LCN2: variants seen among roughly 807,000 people sequenced by gnomAD.
LCN2 encodes the protein lipocalin 2.
Under a neutral mutation model 26.4 loss-of-function variants are expected in LCN2, and 27 were observed. That is an observed-to-expected ratio of 1.02 (90% CI 0.76 to 1.41). The LOEUF is 1.41. LCN2 is among the 40% of genes most tolerant of loss of function. The pLI, the probability that LCN2 is intolerant of heterozygous loss-of-function variation, is 0.00. For missense variants in LCN2, 224 were observed against 237.6 expected (o/e 0.94, Z 0.38); for synonymous variants, 94 against 98.9 (o/e 0.95, Z 0.30).
In LCN2 at chr9:128,152,228, G is replaced by C. The variant is rs769628755; in HGVS notation, c.521G>C (p.Arg174Pro). Residue 174 changes from arginine (R) to proline (P), a missense_variant, in exon 5 of 7, where the codon CGC becomes CCC. Coordinates refer to ENST00000277480, the MANE Select transcript of LCN2 (RefSeq NM_005564.5). ...TCGGAACTAAAGGAGAACTTCATCC[G>C]CTTCTCCAAATCTCTGGGCCTCCCT... is the stretch of plus-strand genomic sequence containing the variant. ...LTSELKENFI[R>P]FSKSLGLPEN... 1 of 1,613,984 alleles carries C rather than the reference G, an allele frequency of 6.2e-7. No individual in the cohort carries two copies. Among genetic ancestry groups the C allele is most frequent in the African/African-American group, 1.3e-5 (1 of 74,924 alleles).
intron 5 of LCN2, 34 bp downstream of exon 5, chr9:128,152,318 T>G (rs745667820): frequency 6.4e-7 from 1 of 1,573,880 alleles, no homozygotes; most frequent in Admixed American, 1.7e-5. Flanking sequence ...GACGGGGACA[T>G]GGGGACTGTT....
At chr9:128,152,059 C>T in intron 4 of LCN2, 34 bp downstream of exon 4, 1 of 1,613,680 alleles carries the variant, frequency 6.2e-7, no homozygotes, top group Non-Finnish European at 8.5e-7. Context: ...GGGACTGGCT[C>T]CTGATCACAC....
In LCN2 at chr9:128,149,627, C is replaced by T. The variant is rs1400403837; in HGVS notation, c.102C>T (p.Ser34=). The T allele has an allele frequency of 1.2e-6, 2 of 1,613,914 alleles. No homozygotes were observed. Among genetic ancestry groups the T allele is most frequent in the Non-Finnish European group, 1.7e-6 (2 of 1,179,982 alleles). Reference sequence around the variant, plus strand: ...ACCTGATCCCAGCCCCACCTCTGAGCAAGGTCCCTCTGCAGCAGAACTTCC... The same window carrying T: ...ACCTGATCCCAGCCCCACCTCTGAGTAAGGTCCCTCTGCAGCAGAACTTCC... The part of the protein sequence containing the change: ...TSDLIPAPPL[S]KVPLQQNFQD... The change falls in exon 1 of 7, where the codon AGC becomes AGT. Residue 34 remains serine, a synonymous_variant. Transcript: ENST00000277480.
chr9:128,151,321 GGTGGC>G (rs1045012325), intron 2 of LCN2: 16 of 565,056 alleles, frequency 2.8e-5, no homozygotes, highest in African/African-American at 2.5e-4. Flanking sequence ...CTGTGTGTTG[GGTGGC>G]GGGGGGGGTG....
intron 4 of LCN2, 54 bp from the exon 5 acceptor site, chr9:128,152,129 T>G: frequency 6.2e-7 from 1 of 1,609,606 alleles, no homozygotes; most frequent in Non-Finnish European, 8.5e-7. Flanking sequence ...ATCTACTCAT[T>G]CAACGATATT....
At position 128,153,260 on chromosome 9, in the gene LCN2, C is replaced by A; in HGVS notation, c.*8-51C>A. The stretch of plus-strand genomic sequence containing the variant: ...TGTCTTTATTCTGCTGTCCCCATCT[C>A]GGGTGCCTCCCATTTCCCCACCCAT... On this transcript the variant is annotated intron_variant, in intron 6 of 6. Transcript: ENST00000277480. The surrounding 1 kb of genome is among the most constrained non-coding windows in gnomAD (Gnocchi z 5.4). 2 of 1,087,260 alleles carry A rather than the reference C, an allele frequency of 1.8e-6. No homozygotes were observed. The highest frequency in any genetic ancestry group is 2.8e-6 in the Non-Finnish European group (2 of 718,890). 67.4% of individuals were successfully genotyped at this position (1,087,260 alleles called of 1,614,324 possible). A position where few individuals can be genotyped will look rare whatever the true frequency, so the allele number is the denominator to read the frequency against.
intron 2 of LCN2, 89 bp from the exon 3 acceptor site, chr9:128,151,549 C>A: frequency 9.6e-7 from 1 of 1,036,626 alleles, no homozygotes; most frequent in South Asian, 1.3e-5. Context: ...CAACAGAACC[C>A]TGCTGCTGCC....
At chr9:128,151,295 G>A (rs12006027) in intron 2 of LCN2, among the ~76,000 whole-genome samples, 1 of 152,022 alleles carries the variant, frequency 6.6e-6, no homozygotes, top group African/African-American at 2.4e-5. Context: ...GAGTGCAGGG[G>A]AGAAATGCAG....
At chr9:128,150,160 G>A (rs1457898368) in intron 1 of LCN2, 78 bp from the exon 2 acceptor site, 5 of 1,548,570 alleles carry the variant, frequency 3.2e-6, no homozygotes, top group Non-Finnish European at 4.4e-6. Flanking sequence ...GGGCGGCCCA[G>A]AGGTGCCACA....
In LCN2 at chr9:128,149,631, G is replaced by A. The variant is rs147792047; in HGVS notation, c.106G>A (p.Val36Ile). ...GATCCCAGCCCCACCTCTGAGCAAG[G>A]TCCCTCTGCAGCAGAACTTCCAGGA... ...DLIPAPPLSKVPLQQNFQDNQ... is the reference protein window; with the variant it reads ...DLIPAPPLSKIPLQQNFQDNQ... The change falls in exon 1 of 7, where the codon GTC becomes ATC. Residue 36 changes from valine (V) to isoleucine (I), a missense_variant. By Grantham distance (29) the Val-to-Ile change is conservative (BLOSUM62 3). Coordinates refer to ENST00000277480, the MANE Select transcript of LCN2 (RefSeq NM_005564.5). 15 of 1,613,842 alleles carry A rather than the reference G, an allele frequency of 9.3e-6. No individual in the cohort carries two copies. Among genetic ancestry groups the A allele is most frequent in the Non-Finnish European group, 1.3e-5 (15 of 1,179,970 alleles).
At position 128,152,011 on chromosome 9, in the gene LCN2, A is replaced by G; in HGVS notation, c.461A>G (p.Lys154Arg). Residue 154 changes from lysine to arginine, a missense_variant, in exon 4 of 7, where the codon AAG becomes AGG. Physicochemically the swap from Lys to Arg is conservative, Grantham distance 26 (BLOSUM62 2). Coordinates refer to ENST00000277480, the MANE Select transcript of LCN2 (RefSeq NM_005564.5). The stretch of plus-strand genomic sequence containing the variant: ...GTTTCTCAAAACAGGGAGTACTTCA[A>G]GATCACCCTCTACGGTGGGTCCTCT... ...KKVSQNREYF[K>R]ITLYGRTKEL... The G allele has an allele frequency of 6.2e-7, 1 of 1,614,148 alleles. No homozygotes were observed. Among genetic ancestry groups the G allele is most frequent in the Non-Finnish European group, 8.5e-7 (1 of 1,180,002 alleles).
chr9:128,149,552 C>G lies in LCN2; in HGVS notation c.27C>G (p.Gly9=), dbSNP rs1204750166. The G allele has an allele frequency of 1.2e-6, 2 of 1,613,828 alleles. No homozygotes were observed. The highest frequency in any genetic ancestry group is 1.7e-6 in the Non-Finnish European group (2 of 1,179,932). The stretch of plus-strand genomic sequence containing the variant: ...TGCCCCTAGGTCTCCTGTGGCTGGG[C>G]CTAGCCCTGTTGGGGGCTCTGCATG... MPLGLLWL[G]LALLGALHAQ... is the part of the protein sequence containing the mutation. The change falls in exon 1 of 7, where the codon GGC becomes GGG. Residue 9 remains glycine, a synonymous_variant. Transcript: ENST00000277480.
rs2232630 is a variant in LCN2, at chr9:128,152,347, A to T, written c.577+63A>T. 3.2e-5 allele frequency: 45 copies of T among 1,413,102 alleles called. No homozygotes were observed. The African/African-American group carries it at 6.0e-4, about 19-fold the overall frequency. The allele number at this position is 1,413,102 out of a possible 1,614,324, so 87.5% of individuals were successfully genotyped here. On this transcript the variant is annotated intron_variant, in intron 5 of 6. Transcript: ENST00000277480. ...GACTGTTCAGGCAGGATGCTTCCCT[A>T]CCAGGGATCAGGGAGAGGAGGGACT...
rs2232625 is a variant in LCN2 at position 128,151,519 on chromosome 9, G to A, written c.276-119G>A. Reference sequence around the variant, plus strand: ...CAGGTAGTGGGGGATGAGCTGTCACGGGTTGGGCCGGACTGAGAGCAACAG... The same window carrying A: ...CAGGTAGTGGGGGATGAGCTGTCACAGGTTGGGCCGGACTGAGAGCAACAG... On this transcript the variant is annotated intron_variant, in intron 2 of 6. Coordinates refer to ENST00000277480, the MANE Select transcript of LCN2 (RefSeq NM_005564.5). The A allele has an allele frequency of 4.1e-3, 3,227 of 778,146 alleles. 87 individuals are homozygous for A. The African/African-American group carries it at 0.049, about 12-fold the overall frequency. The allele number at this position is 778,146 out of a possible 1,614,324, so 48.2% of individuals were successfully genotyped here. A position where few individuals can be genotyped will look rare whatever the true frequency, so the allele number is the denominator to read the frequency against.
Position 128,150,125 on chromosome 9 carries a change from C to A in LCN2, c.139-113C>A. On this transcript the variant is annotated intron_variant, in intron 1 of 6. Coordinates refer to ENST00000277480, the MANE Select transcript of LCN2 (RefSeq NM_005564.5). ...GCCCAGCCTGGGCCCTGCTGCCCAG[C>A]TAGAGGGGCTCATGGTTCCAAGCTG... The A allele has an allele frequency of 2.1e-6, 3 of 1,402,346 alleles. No individual in the cohort carries two copies. In the South Asian group the frequency reaches 4.2e-5, roughly 20 times the overall value. The allele number at this position is 1,402,346 out of a possible 1,614,324, so 86.9% of individuals were successfully genotyped here. A position where few individuals can be genotyped will look rare whatever the true frequency, so the allele number is the denominator to read the frequency against.
At chr9:128,150,817 C>T (rs1834999393) in intron 2 of LCN2, among the ~76,000 whole-genome samples, 1 of 152,244 alleles carries the variant, frequency 6.6e-6, no homozygotes, top group Non-Finnish European at 1.5e-5. Context: ...AGCTGCTGAG[C>T]AGCCTGGAGG....
At position 128,153,112 on chromosome 9, in the gene LCN2, A is replaced by C; in HGVS notation, c.590A>C (p.Asp197Ala). 6.2e-7 allele frequency: 1 copy of C among 1,614,050 alleles called. No individual in the cohort carries two copies. Among genetic ancestry groups the C allele is most frequent in the Non-Finnish European group, 8.5e-7 (1 of 1,179,978 alleles). Residue 197 changes from aspartate to alanine, a missense_variant, in exon 6 of 7, where the codon GAC becomes GCC. Transcript: ENST00000277480. The surrounding 1 kb of genome is among the most constrained non-coding windows in gnomAD (Gnocchi z 5.4). The part of the protein sequence containing the change: ...VFPVPIDQCI[D>A]G Reference sequence around the variant, plus strand: ...TTCTCCCTAACAGACCAGTGTATCGACGGCTGAGTGCACAGTGAGTGTGGC... The same window carrying C: ...TTCTCCCTAACAGACCAGTGTATCGCCGGCTGAGTGCACAGTGAGTGTGGC...
chr9:128,150,583 G>GA (rs1564224950), intron 2 of LCN2: 1 of 721,018 alleles, frequency 1.4e-6, no homozygotes, highest in East Asian at 2.8e-5. Flanking sequence ...ACAGTCGTTA[G>GA]AAAACAAGAC....
In LCN2 at chr9:128,149,559, C is replaced by T; in HGVS notation, c.34C>T (p.Leu12=). Residue 12 remains leucine, a synonymous_variant, in exon 1 of 7, where the codon CTG becomes TTG. Transcript: ENST00000277480. ...PLGLLWLGLA[L]LGALHAQAQD... is the part of the protein sequence containing the mutation. ...AGGTCTCCTGTGGCTGGGCCTAGCC[C>T]TGTTGGGGGCTCTGCATGCCCAGGC... is the stretch of plus-strand genomic sequence containing the variant. The T allele has an allele frequency of 4.3e-6, 7 of 1,613,944 alleles. No homozygotes were observed. The highest frequency in any genetic ancestry group is 5.9e-6 in the Non-Finnish European group (7 of 1,179,958).
Sources: gnomAD v4.1 joint callset for allele counts (sites outside exome capture counted in the v4.1 genomes callset) on GRCh38, gnomAD v4.1.1 for gene constraint, Gnocchi (gnomAD v3.1) non-coding constraint, MANE v1.5 for transcripts, NCBI Gene and HGNC (gene_info 2026-07-23, HGNC 2026-07-21) for gene names.